Variants in UST observed in about 807,000 individuals in gnomAD.
UST encodes the protein chondroitin sulfate 2-O-sulfotransferase.
UST carries 21 observed loss-of-function variants against 45.6 expected under a neutral mutation model. That is an observed-to-expected ratio of 0.46 (90% CI 0.33 to 0.66). The LOEUF (loss-of-function observed/expected upper bound fraction) is 0.66. Among genes scored for constraint, UST ranks in the 30% least tolerant of loss-of-function variants. UST has a pLI of 0.02. For missense variants in UST, 463 were observed against 512.4 expected (o/e 0.90, Z 0.93); for synonymous variants, 215 against 200.6 (o/e 1.07, Z -0.61).
At chr6:148,951,960 T>C (rs1434420628) in intron 3 of UST, among the ~76,000 whole-genome samples, 1 of 152,250 alleles carries the variant, frequency 6.6e-6, no homozygotes, top group Non-Finnish European at 1.5e-5. Context: ...GACATGTGTT[T>C]AGAGAATATA....
intron 1 of UST, among the ~76,000 whole-genome samples, chr6:148,821,776 TAGA>T (rs1008930290): frequency 7.2e-5 from 11 of 152,216 alleles, no homozygotes; most frequent in African/African-American, 2.7e-4. Context: ...CACTGTGAAG[TAGA>T]AGTTTTTCTC....
In UST at chr6:149,074,396, T is replaced by C. The variant is rs1405598040; in HGVS notation, c.*280T>C. 1 of 438,090 alleles carries C rather than the reference T, an allele frequency of 2.3e-6. No individual in the cohort carries two copies. Among genetic ancestry groups the C allele is most frequent in the Non-Finnish European group, 4.1e-6 (1 of 244,928 alleles). 27.1% of individuals were successfully genotyped at this position (438,090 alleles called of 1,614,324 possible). On this transcript the variant is annotated 3_prime_UTR_variant, in exon 8 of 8. Coordinates refer to ENST00000367463, the MANE Select transcript of UST (RefSeq NM_005715.3). ...AACAGCTTTCCCCCACCCCATATCA[T>C]GGGAAAAGGGGGAGAAATATAGCCC...
chr6:148,949,698 T>C (rs1780326757), intron 3 of UST, among the ~76,000 whole-genome samples: 1 of 152,196 alleles, frequency 6.6e-6, no homozygotes, highest in Admixed American at 6.5e-5. Context: ...CTAAAGATGA[T>C]AGCTTCATTT....
intron 1 of UST, among the ~76,000 whole-genome samples, chr6:148,771,127 T>C (rs1385849409): frequency 1.3e-5 from 2 of 148,766 alleles, no homozygotes; most frequent in Non-Finnish European, 3.0e-5. Flanking sequence ...CCAGTGTGCT[T>C]TTATTAGGAT....
chr6:148,983,523 C>G (rs555569422), intron 5 of UST, among the ~76,000 whole-genome samples: 189 of 152,318 alleles, frequency 1.2e-3, no homozygotes, highest in Non-Finnish European at 2.1e-3. Context: ...GTTATCTCAT[C>G]TCAGCCAGTC....
chr6:148,946,471 A>G (rs1462995803), intron 3 of UST, among the ~76,000 whole-genome samples: 2 of 140,804 alleles, frequency 1.4e-5, no homozygotes, highest in African/African-American at 5.3e-5. Context: ...AAGTTGCACG[A>G]CTGCACTCCA....
chr6:148,774,052 A>C lies in UST; in HGVS notation c.247+26375A>C, dbSNP rs534286217. On this transcript the variant is annotated intron_variant, in intron 1 of 7. Transcript: ENST00000367463. ...GGAAGAATTCAAAATCCTGGCATGG[A>C]GAAAGTGAATGACTAGTGACTACAG... Among the ~76,000 whole-genome samples, 7 of 152,274 alleles carry C rather than the reference A, an allele frequency of 4.6e-5. No homozygotes were observed. In the South Asian group the frequency reaches 1.2e-3, roughly 27 times the overall value.
intron 7 of UST, among the ~76,000 whole-genome samples, chr6:149,059,406 G>A (rs368878752): frequency 1.6e-4 from 25 of 152,368 alleles, no homozygotes; most frequent in African/African-American, 6.0e-4. Flanking sequence ...GGACACGAAA[G>A]GTGGACATCT....
chr6:148,819,376 A>G (rs1404873186), intron 1 of UST, among the ~76,000 whole-genome samples: 1 of 152,226 alleles, frequency 6.6e-6, no homozygotes, highest in African/African-American at 2.4e-5. Flanking sequence ...CTGTGTGGTT[A>G]CCCTGGGGTC....
intron 5 of UST, among the ~76,000 whole-genome samples, chr6:148,976,639 A>G (rs2449389): frequency 1.3e-5 from 2 of 152,096 alleles, no homozygotes; most frequent in Non-Finnish European, 2.9e-5. Flanking sequence ...TTCTCTCGTT[A>G]TGAGTGAAGT....
intron 1 of UST, among the ~76,000 whole-genome samples, chr6:148,803,673 C>A (rs138547949): frequency 2.2e-4 from 34 of 152,316 alleles, no homozygotes; most frequent in African/African-American, 7.5e-4. Flanking sequence ...CTCTCCCACA[C>A]TGCCCCCAAA....
chr6:148,788,562 A>C (rs920747908), intron 1 of UST, among the ~76,000 whole-genome samples: 1 of 152,184 alleles, frequency 6.6e-6, no homozygotes, highest in East Asian at 1.9e-4. Context: ...GTTTGTACAG[A>C]TCACTTATTA....
rs1216785494 is a variant in UST, at chr6:148,790,818, C to A, written c.247+43141C>A. Among the ~76,000 whole-genome samples the A allele has an allele frequency of 6.6e-6, 1 of 152,208 alleles. No homozygotes were observed. Among genetic ancestry groups the A allele is most frequent in the Non-Finnish European group, 1.5e-5 (1 of 68,038 alleles). ...ACAACTCTGATGGGCCATCCCAGTT[C>A]CAGAGCTCCTGTGGGACAGGCTGAG... On this transcript the variant is annotated intron_variant, in intron 1 of 7. Transcript: ENST00000367463. The surrounding 1 kb of genome is among the most constrained non-coding windows in gnomAD (Gnocchi z 4.2).
rs548217095 is a variant in UST, at chr6:148,791,951, C to A, written c.247+44274C>A. 7.2e-5 allele frequency among the ~76,000 whole-genome samples: 11 copies of A among 152,268 alleles called. No individual in the cohort carries two copies. The East Asian group carries it at 2.1e-3, about 29-fold the overall frequency. ...GCTTGCACACTTACTTTAGGAAACT[C>A]AAATGGAAACCCCACTCTCAAATAG... On this transcript the variant is annotated intron_variant, in intron 1 of 7. Transcript: ENST00000367463.
At chr6:148,919,555 A>G (rs1779662048) in intron 2 of UST, among the ~76,000 whole-genome samples, 1 of 152,210 alleles carries the variant, frequency 6.6e-6, no homozygotes, top group South Asian at 2.1e-4. Context: ...AGGTTTTTCT[A>G]CATAATGAAA....
At chr6:148,787,690 A>G (rs1241146619) in intron 1 of UST, among the ~76,000 whole-genome samples, 1 of 152,202 alleles carries the variant, frequency 6.6e-6, no homozygotes, top group Non-Finnish European at 1.5e-5. Context: ...TCGGTTCCAT[A>G]TGAATTTTAA....
At chr6:148,859,675 G>A (rs1323824366) in intron 1 of UST, among the ~76,000 whole-genome samples, 2 of 152,198 alleles carry the variant, frequency 1.3e-5, no homozygotes, top group Non-Finnish European at 2.9e-5. Context: ...TTTGTATAAG[G>A]TGTAAGGAAG....
intron 5 of UST, among the ~76,000 whole-genome samples, chr6:148,982,494 C>T (rs773573436): frequency 7.9e-5 from 12 of 152,190 alleles, no homozygotes; most frequent in Non-Finnish European, 1.6e-4. Flanking sequence ...AATACTATGA[C>T]ATTGGCAACA....
At chr6:148,764,143 ATTTG>A (rs1294108847) in intron 1 of UST, among the ~76,000 whole-genome samples, 2 of 151,964 alleles carry the variant, frequency 1.3e-5, no homozygotes, top group South Asian at 2.1e-4. Flanking sequence ...ATGCTTTTCC[ATTTG>A]TTTGTGTCAT....
Sources: gnomAD v4.1 joint callset for allele counts (sites outside exome capture counted in the v4.1 genomes callset) on GRCh38, gnomAD v4.1.1 for gene constraint, Gnocchi (gnomAD v3.1) non-coding constraint, MANE v1.5 for transcripts, NCBI Gene and HGNC (gene_info 2026-07-23, HGNC 2026-07-21) for gene names.